Variants in CCDC81 observed in about 807,000 individuals in gnomAD.
The protein encoded by CCDC81 is coiled-coil domain-containing protein 81.
A neutral mutation model predicts 83.7 loss-of-function variants in CCDC81; 79 were observed. That is an observed-to-expected ratio of 0.94 (90% CI 0.79 to 1.14). CCDC81 has a LOEUF of 1.14. Among genes scored for constraint, CCDC81 ranks in the 50% most tolerant of loss-of-function variants. The probability of loss-of-function intolerance (pLI) is 0.00; values close to 1 mark genes in which losing one functional copy is unlikely to be tolerated. For missense variants in CCDC81, 791 were observed against 778.1 expected (o/e 1.02, Z -0.20); for synonymous variants, 252 against 278.1 (o/e 0.91, Z 0.93).
At chr11:86,410,754 CTCA>C (rs1399274635) in intron 10 of CCDC81, among the ~76,000 whole-genome samples, 1 of 152,192 alleles carries the variant, frequency 6.6e-6, no homozygotes, top group Non-Finnish European at 1.5e-5. Context: ...TTTCTGTCTT[CTCA>C]TGTTAGTAAG....
intron 6 of CCDC81, among the ~76,000 whole-genome samples, chr11:86,400,319 C>G (rs934217948): frequency 1.3e-5 from 2 of 152,136 alleles, no homozygotes; most frequent in African/African-American, 4.8e-5. Flanking sequence ...TCAACTATAT[C>G]TATCGAAAGA....
At position 86,395,367 on chromosome 11, in the gene CCDC81, A is replaced by G; in HGVS notation, c.589A>G (p.Arg197Gly). Reference sequence around the variant, plus strand: ...CACTGTGGACTCGGTGTTGTCTAGCAGAGAGGCCTTGAGGAAGTGGCCCAG... The same window carrying G: ...CACTGTGGACTCGGTGTTGTCTAGCGGAGAGGCCTTGAGGAAGTGGCCCAG... ...PGTVDSVLSS[R>G]EALRKWPSSV... is the part of the protein sequence containing the mutation. Residue 197 changes from arginine to glycine, a missense_variant, in exon 5 of 15, where the codon AGA becomes GGA. Transcript: ENST00000445632. 1.2e-6 allele frequency: 2 copies of G among 1,614,094 alleles called. No homozygotes were observed. Among genetic ancestry groups the G allele is most frequent in the Non-Finnish European group, 1.7e-6 (2 of 1,179,984 alleles).
chr11:86,420,480 G>C (rs1012927954), intron 14 of CCDC81, among the ~76,000 whole-genome samples: 2 of 152,072 alleles, frequency 1.3e-5, no homozygotes, highest in African/African-American at 4.8e-5. Flanking sequence ...AGCCAACCAA[G>C]AGCATCTTTC....
chr11:86,409,900 G>A (rs1948618074), intron 10 of CCDC81, among the ~76,000 whole-genome samples: 1 of 152,124 alleles, frequency 6.6e-6, no homozygotes. Flanking sequence ...TGTTAATTAT[G>A]GTAATTCTCA....
intron 1 of CCDC81, among the ~76,000 whole-genome samples, chr11:86,378,097 G>T (rs1446449021): frequency 6.8e-6 from 1 of 146,462 alleles, no homozygotes; most frequent in Non-Finnish European, 1.5e-5. Flanking sequence ...ATTTATATGG[G>T]TCTATTCCTG....
chr11:86,397,833 T>G, intron 6 of CCDC81, 91 bp downstream of exon 6: 2 of 1,423,258 alleles, frequency 1.4e-6, no homozygotes, highest in Non-Finnish European at 1.9e-6. Flanking sequence ...AAGTTAAATT[T>G]ACAAATAATC....
At position 86,420,253 on chromosome 11, in the gene CCDC81, C is replaced by T. The variant is rs545056839; in HGVS notation, c.1817+200C>T. Among the ~76,000 whole-genome samples the T allele has an allele frequency of 7.2e-5, 11 of 152,270 alleles. No individual in the cohort carries two copies. In the East Asian group the frequency reaches 1.3e-3, roughly 19 times the overall value. On this transcript the variant is annotated intron_variant, in intron 14 of 14. Transcript: ENST00000445632. The stretch of plus-strand genomic sequence containing the variant: ...GGATTGGAGAATGCTGAGTTGTATG[C>T]TAGGTATTTACTAACCGTGCTCTAA...
chr11:86,403,694 T>A (rs1390804766), intron 7 of CCDC81, among the ~76,000 whole-genome samples: 1 of 152,208 alleles, frequency 6.6e-6, no homozygotes, highest in Admixed American at 6.5e-5. Context: ...GGTGGGACTC[T>A]GGGCTCTATT....
At chr11:86,421,090 G>C (rs1948782440) in intron 14 of CCDC81, among the ~76,000 whole-genome samples, 1 of 152,152 alleles carries the variant, frequency 6.6e-6, no homozygotes, top group African/African-American at 2.4e-5. Context: ...TCGTGGAGCA[G>C]ACTTCTCTGA....
At chr11:86,387,763 T>C in intron 3 of CCDC81, 91 bp downstream of exon 3, 2 of 880,112 alleles carry the variant, frequency 2.3e-6, no homozygotes, top group South Asian at 3.8e-5. Context: ...TGCTGCTGTC[T>C]TACCTTCTTA....
intron 14 of CCDC81, among the ~76,000 whole-genome samples, chr11:86,421,993 A>G (rs1337623175): frequency 6.6e-6 from 1 of 152,022 alleles, no homozygotes; most frequent in East Asian, 1.9e-4. Context: ...GTAACGAAGA[A>G]AAACCATCAA....
intron 4 of CCDC81, 129 bp downstream of exon 4, chr11:86,392,926 G>A (rs915466973): frequency 2.2e-5 from 22 of 1,019,974 alleles, no homozygotes; most frequent in Non-Finnish European, 2.9e-5. Flanking sequence ...GTACATGGAA[G>A]TGCTTGTTTA....
At chr11:86,416,644 A>C (rs1403812411) in intron 13 of CCDC81, among the ~76,000 whole-genome samples, 1 of 152,182 alleles carries the variant, frequency 6.6e-6, no homozygotes, top group Non-Finnish European at 1.5e-5. Flanking sequence ...GCATTTTCGG[A>C]AACTGTAAAG....
chr11:86,409,237 AC>A (rs745400203), intron 9 of CCDC81, 23 bp from the exon 10 acceptor site: 18 of 1,125,922 alleles, frequency 1.6e-5, no homozygotes, highest in Non-Finnish European at 2.2e-5. Context: ...TTAAAAATAA[AC>A]TTTTTTTTTT....
chr11:86,419,597 G>A (rs1948761943), intron 13 of CCDC81: 2 of 175,236 alleles, frequency 1.1e-5, no homozygotes, highest in African/African-American at 2.4e-5. Context: ...AAGAAACAGA[G>A]TATAGGAAAT....
Position 86,422,648 on chromosome 11 carries a change from C to T in CCDC81, c.1892C>T (p.Ser631Phe). 3 of 1,614,112 alleles carry T rather than the reference C, an allele frequency of 1.9e-6. No individual in the cohort carries two copies. Among genetic ancestry groups the T allele is most frequent in the Non-Finnish European group, 2.5e-6 (3 of 1,179,976 alleles). ...RRCKQCQRRT[S>F]NVGESNLWPL... is the part of the protein sequence containing the mutation. ...TGCAAGCAATGCCAGAGGCGCACCTCCAACGTGGGCGAGAGCAACCTGTGG... is the reference window on the plus strand; with the variant it reads ...TGCAAGCAATGCCAGAGGCGCACCTTCAACGTGGGCGAGAGCAACCTGTGG... Residue 631 changes from serine to phenylalanine, a missense_variant, in exon 15 of 15, where the codon TCC becomes TTC. Ser to Phe is a radical substitution (Grantham distance 155). Coordinates refer to ENST00000445632, the MANE Select transcript of CCDC81 (RefSeq NM_001156474.2).
chr11:86,412,619 T>C, intron 11 of CCDC81, 60 bp downstream of exon 11: 1 of 1,416,302 alleles, frequency 7.1e-7, no homozygotes, highest in Non-Finnish European at 9.6e-7. Flanking sequence ...GAAGTTACTT[T>C]TCATGTAGGA....
In CCDC81 at chr11:86,390,943, G is replaced by A. The variant is rs992356210; in HGVS notation, c.299-1598G>A. The stretch of plus-strand genomic sequence containing the variant: ...AGATCAAGATTTGGATGTTTACCTA[G>A]GAGAGAATATATACTCAGCAGAAGA... On this transcript the variant is annotated intron_variant, in intron 3 of 14. Transcript: ENST00000445632. Among the ~76,000 whole-genome samples the A allele has an allele frequency of 1.1e-4, 16 of 152,138 alleles. No homozygotes were observed. In the East Asian group the frequency reaches 1.5e-3, roughly 15 times the overall value.
rs1948817936 is a variant in CCDC81 at position 86,423,090 on chromosome 11, A to T, written c.*375A>T. 5.6e-6 allele frequency: 1 copy of T among 178,108 alleles called. No homozygotes were observed. The highest frequency in any genetic ancestry group is 5.7e-5 in the Admixed American group (1 of 17,470). 11.0% of individuals were successfully genotyped at this position (178,108 alleles called of 1,614,324 possible). On this transcript the variant is annotated 3_prime_UTR_variant, in exon 15 of 15. Coordinates refer to ENST00000445632, the MANE Select transcript of CCDC81 (RefSeq NM_001156474.2). Reference sequence around the variant, plus strand: ...TCTGTAATGAATAGTGGCAATAATAAATATTTTTTAAGCGCCTGACTGTGC... The same window carrying T: ...TCTGTAATGAATAGTGGCAATAATATATATTTTTTAAGCGCCTGACTGTGC...
Sources: allele counts gnomAD v4.1 joint callset (sites outside exome capture counted in the v4.1 genomes callset), GRCh38; gene constraint gnomAD v4.1.1; transcripts MANE v1.5; gene names NCBI Gene and HGNC (gene_info 2026-07-23, HGNC 2026-07-21).